Variants in TTC39B observed in about 807,000 individuals in gnomAD.
TTC39B encodes tetratricopeptide repeat domain 39B.
TTC39B carries 92 observed loss-of-function variants against 96.6 expected under a neutral mutation model. The ratio of observed to expected loss-of-function variants is 0.95; its 90% CI spans 0.80 to 1.13. TTC39B has a LOEUF of 1.13. Ranked by LOEUF, TTC39B falls within the 50% of genes most tolerant of loss-of-function variation. The pLI is 0.00. For missense variants in TTC39B, 955 were observed against 809.3 expected (o/e 1.18, Z -2.18); for synonymous variants, 367 against 299.4 (o/e 1.23, Z -2.33).
chr9:15,220,794 T>C (rs1286313811), intron 3 of TTC39B, among the ~76,000 whole-genome samples: 1 of 152,184 alleles, frequency 6.6e-6, no homozygotes, highest in Non-Finnish European at 1.5e-5. Context: ...TGGCAATTAT[T>C]TTGTAGCATG....
chr9:15,171,199 T>G (rs1383013050), exon 20 of TTC39B: 1 of 152,174 alleles, frequency 6.6e-6, no homozygotes, highest in Non-Finnish European at 1.5e-5. Context: ...TAAAAATTAT[T>G]GATATTTTAC....
chr9:15,230,970 G>A (rs913517114), intron 2 of TTC39B, among the ~76,000 whole-genome samples: 3 of 146,474 alleles, frequency 2.0e-5, no homozygotes, highest in African/African-American at 5.2e-5. Flanking sequence ...GGGTGACAGA[G>A]TGAGACTCCA....
chr9:15,199,553 G>C (rs2131300485), intron 8 of TTC39B, among the ~76,000 whole-genome samples: 1 of 151,566 alleles, frequency 6.6e-6, no homozygotes, highest in African/African-American at 2.4e-5. Flanking sequence ...GACTAACACA[G>C]TGAAACCCCA....
intron 2 of TTC39B, among the ~76,000 whole-genome samples, chr9:15,232,812 TAG>T (rs1313102359): frequency 2.0e-5 from 3 of 152,168 alleles, no homozygotes; most frequent in Non-Finnish European, 4.4e-5. Context: ...AACGGCGACG[TAG>T]CTGGCTTTTT....
intron 11 of TTC39B, 77 bp downstream of exon 11, chr9:15,190,477 T>G: frequency 7.6e-7 from 1 of 1,317,886 alleles, no homozygotes; most frequent in Non-Finnish European, 1.1e-6. Flanking sequence ...TCCCAAGTAG[T>G]TGGGATTACA....
chr9:15,171,859 G>A (rs1410077609), exon 20 of TTC39B: 1 of 458,016 alleles, frequency 2.2e-6, no homozygotes, highest in Admixed American at 3.9e-5. Context: ...AAAAAATTAT[G>A]TAGACCAACA....
At chr9:15,222,631 G>T (rs143095762) in intron 3 of TTC39B, among the ~76,000 whole-genome samples, 309 of 152,250 alleles carry the variant, frequency 2.0e-3, no homozygotes, top group African/African-American at 7.1e-3. Flanking sequence ...GTAATTCTGG[G>T]ATTTCCCAAT....
rs190718158 is a variant in TTC39B at position 15,239,762 on chromosome 9, G to A, written c.276-13750C>T. ...CAGACACTTGGTACTCCAAAAGAGG[G>A]GAGGGAGGATGGAGGTGAAGGTTGA... On this transcript the variant is annotated intron_variant, in intron 2 of 19. Transcript: ENST00000512701. Among the ~76,000 whole-genome samples, 245 of 152,304 alleles carry A rather than the reference G, an allele frequency of 1.6e-3. 3 individuals are homozygous for A. Among genetic ancestry groups the A allele is most frequent in the Admixed American group, 0.015 (223 of 15,306 alleles).
chr9:15,172,087 G>A, exon 20 of TTC39B: 3 of 1,612,420 alleles, frequency 1.9e-6, no homozygotes, highest in Non-Finnish European at 2.5e-6. Flanking sequence ...CTGGACTCCA[G>A]GGAGTAATCT....
intron 3 of TTC39B, among the ~76,000 whole-genome samples, chr9:15,220,196 C>G (rs1820767897): frequency 6.6e-6 from 1 of 152,176 alleles, no homozygotes; most frequent in African/African-American, 2.4e-5. Context: ...AAATCCAAGT[C>G]CCCTGCACCT....
chr9:15,263,541 T>C (rs906709100), intron 2 of TTC39B, among the ~76,000 whole-genome samples: 5 of 152,194 alleles, frequency 3.3e-5, no homozygotes, highest in African/African-American at 1.2e-4. Context: ...GTGTGTAATA[T>C]TTTCTTTGTT....
At chr9:15,225,794 G>T in intron 3 of TTC39B, 123 bp downstream of exon 3, 2 of 723,260 alleles carry the variant, frequency 2.8e-6, no homozygotes, top group Non-Finnish European at 4.2e-6. Flanking sequence ...TACTTGCCTA[G>T]GCCTCTCCTG....
chr9:15,214,130 G>T lies in TTC39B; in HGVS notation c.482+9C>A, dbSNP rs775297511. 1.0e-5 allele frequency: 16 copies of T among 1,594,140 alleles called. No homozygotes were observed. The East Asian group carries it at 3.6e-4, about 36-fold the overall frequency. The stretch of plus-strand genomic sequence containing the variant: ...AGATATTTTATCTAAAAGAGACAAA[G>T]TAAATTACCAGGGGCGAAGCAATTC... On this transcript the variant is annotated intron_variant, in intron 4 of 19. Transcript: ENST00000512701.
intron 2 of TTC39B, among the ~76,000 whole-genome samples, chr9:15,243,033 T>C (rs1220585589): frequency 5.9e-5 from 9 of 152,084 alleles, no homozygotes; most frequent in East Asian, 1.9e-4. Context: ...AATCCTTTGG[T>C]GGCAGAGGCA....
chr9:15,184,096 C>A (rs910640812), intron 16 of TTC39B, among the ~76,000 whole-genome samples: 1 of 151,920 alleles, frequency 6.6e-6, no homozygotes, highest in African/African-American at 2.4e-5. Context: ...ATATGAACAA[C>A]AATTTACAAA....
chr9:15,204,041 C>A (rs1819699442), intron 6 of TTC39B, 151 bp from the exon 7 acceptor site: 2 of 617,272 alleles, frequency 3.2e-6, no homozygotes, highest in Middle Eastern at 4.5e-4. Context: ...GGAATGATAA[C>A]CCCAGTTCTC....
intron 2 of TTC39B, among the ~76,000 whole-genome samples, chr9:15,264,599 G>A (rs1181200215): frequency 6.7e-6 from 1 of 148,772 alleles, no homozygotes; most frequent in Non-Finnish European, 1.5e-5. Flanking sequence ...AGGTTGCAGT[G>A]AGCTGAGATC....
intron 1 of TTC39B, among the ~76,000 whole-genome samples, chr9:15,302,970 C>A (rs148303984): frequency 6.6e-6 from 1 of 152,152 alleles, no homozygotes; most frequent in African/African-American, 2.4e-5. Flanking sequence ...GAGATCGAGA[C>A]CATCCTGGCC....
intron 4 of TTC39B, among the ~76,000 whole-genome samples, chr9:15,213,915 G>C (rs1820349482): frequency 6.6e-6 from 1 of 152,102 alleles, no homozygotes; most frequent in South Asian, 2.1e-4. Context: ...ATCTGAACAA[G>C]AGAGATTAAA....
Sources: gnomAD v4.1 joint callset for allele counts (sites outside exome capture counted in the v4.1 genomes callset) on GRCh38, gnomAD v4.1.1 for gene constraint, MANE v1.5 for transcripts, NCBI Gene and HGNC (gene_info 2026-07-23, HGNC 2026-07-21) for gene names.